The following ARL15 variants were observed in gnomAD, a reference collection of about 807,000 sequenced individuals.
ARL15 encodes the protein ADP-ribosylation factor-like protein 15.
Under a neutral mutation model 25.2 loss-of-function variants are expected in ARL15, and 19 were observed. The observed-to-expected ratio is 0.75, with a 90% CI of 0.53 to 1.10. ARL15 has a LOEUF of 1.10. Among genes scored for constraint, ARL15 ranks in the 50% least tolerant of loss-of-function variants. ARL15 has a pLI of 0.00. For synonymous variants in ARL15, 94 were observed against 86.8 expected, an observed-to-expected ratio of 1.08 and a Z score of -0.46; for missense variants, 220 against 246.0, an observed-to-expected ratio of 0.89 and a Z score of 0.71.
chr5:53,986,894 G>C (rs1748316297), intron 4 of ARL15, among the ~76,000 whole-genome samples: 1 of 152,166 alleles, frequency 6.6e-6, no homozygotes, highest in Non-Finnish European at 1.5e-5. Flanking sequence ...GAGGGGATGG[G>C]ATTAAGGAAT....
intron 4 of ARL15, among the ~76,000 whole-genome samples, chr5:53,918,349 C>T (rs916415940): frequency 2.0e-5 from 3 of 151,962 alleles, no homozygotes; most frequent in African/African-American, 7.3e-5. Flanking sequence ...CCATGCCTGG[C>T]TAATTTTTTT....
At chr5:54,147,938 A>C (rs149832029) in intron 3 of ARL15, among the ~76,000 whole-genome samples, 4 of 152,296 alleles carry the variant, frequency 2.6e-5, no homozygotes, top group Non-Finnish European at 5.9e-5. Context: ...TTACATTCAT[A>C]AGTATTTGGC....
chr5:54,069,976 G>A (rs1751369589), intron 4 of ARL15, among the ~76,000 whole-genome samples: 1 of 151,302 alleles, frequency 6.6e-6, no homozygotes, highest in Non-Finnish European at 1.5e-5. Flanking sequence ...CACCTGGCTG[G>A]AGGGCTTTTA....
At chr5:54,221,995 G>A (rs1042724353) in intron 1 of ARL15, among the ~76,000 whole-genome samples, 1 of 152,248 alleles carries the variant, frequency 6.6e-6, no homozygotes, top group South Asian at 2.1e-4. Flanking sequence ...TACTCTTCCT[G>A]TGCCAAATAA....
chr5:54,302,076 G>A (rs1023993469), intron 1 of ARL15, among the ~76,000 whole-genome samples: 1 of 152,172 alleles, frequency 6.6e-6, no homozygotes, highest in Non-Finnish European at 1.5e-5. Context: ...GCAGACTCCC[G>A]CCTCAAACAC....
At chr5:53,979,018 T>G (rs1335748646) in intron 4 of ARL15, among the ~76,000 whole-genome samples, 1 of 152,186 alleles carries the variant, frequency 6.6e-6, no homozygotes, top group Non-Finnish European at 1.5e-5. Context: ...ATTAAGAGAC[T>G]TTGTGTCTTT....
chr5:53,890,986 T>C (rs1744690225), intron 4 of ARL15, among the ~76,000 whole-genome samples: 1 of 152,230 alleles, frequency 6.6e-6, no homozygotes, highest in East Asian at 1.9e-4. Context: ...TGATGCTCTC[T>C]GATTTCCCTA....
chr5:54,219,411 T>C (rs1051273500), intron 1 of ARL15, among the ~76,000 whole-genome samples: 33 of 152,210 alleles, frequency 2.2e-4, no homozygotes, highest in Non-Finnish European at 3.4e-4. Flanking sequence ...AATGCCTTTC[T>C]TTGGTAGGGA....
Position 53,914,239 on chromosome 5 carries a change from G to C in ARL15, c.463-27526C>G, listed in dbSNP as rs181989728. On this transcript the variant is annotated intron_variant, in intron 4 of 4. Transcript: ENST00000504924. ...TGATCTCCTTCTCTGAGGAAAGCTT[G>C]GTGGTATAGCAGTCTATCCTCCAAA... Among the ~76,000 whole-genome samples the C allele has an allele frequency of 2.9e-3, 438 of 151,912 alleles. 1 individual carries two copies. The highest frequency in any genetic ancestry group is 0.01 in the African/African-American group (425 of 41,428).
At chr5:54,204,000 C>T (rs572043505) in intron 1 of ARL15, among the ~76,000 whole-genome samples, 1 of 152,100 alleles carries the variant, frequency 6.6e-6, no homozygotes, top group East Asian at 1.9e-4. Context: ...CTTTGCCCAC[C>T]CCGCCAAGGT....
intron 1 of ARL15, among the ~76,000 whole-genome samples, chr5:54,306,502 T>G (rs555679358): frequency 6.6e-6 from 1 of 151,732 alleles, no homozygotes; most frequent in South Asian, 2.1e-4. Context: ...GCGATTCTCC[T>G]GCCTCAGCCT....
intron 4 of ARL15, among the ~76,000 whole-genome samples, chr5:54,102,034 A>G (rs908387823): frequency 6.9e-6 from 1 of 144,942 alleles, no homozygotes; most frequent in Admixed American, 6.9e-5. Flanking sequence ...TTTTTTTGAG[A>G]CAGAGTCTCA....
At chr5:54,258,351 C>G (rs1338610815) in intron 1 of ARL15, among the ~76,000 whole-genome samples, 1 of 151,920 alleles carries the variant, frequency 6.6e-6, no homozygotes, top group Non-Finnish European at 1.5e-5. Flanking sequence ...CCCATCCTCC[C>G]GTTACAGATG....
At chr5:54,003,823 T>C (rs990849810) in intron 4 of ARL15, among the ~76,000 whole-genome samples, 1 of 152,156 alleles carries the variant, frequency 6.6e-6, no homozygotes, top group African/African-American at 2.4e-5. Context: ...AATGGGCATA[T>C]TTCATTAGAA....
chr5:54,196,842 T>A (rs960146865), intron 1 of ARL15, among the ~76,000 whole-genome samples: 5 of 152,164 alleles, frequency 3.3e-5, no homozygotes, highest in Admixed American at 2.0e-4. Flanking sequence ...AACATACAGT[T>A]ATGCCAGAAT....
rs981075170 is a variant in ARL15 at position 54,173,206 on chromosome 5, A to AAAAG, written c.49-1282_49-1279dup. 6.6e-5 allele frequency among the ~76,000 whole-genome samples: 10 copies of AAAAG among 151,574 alleles called. No individual in the cohort carries two copies. The South Asian group carries it at 1.5e-3, about 22-fold the overall frequency. On this transcript the variant is annotated intron_variant, in intron 1 of 4. Coordinates refer to ENST00000504924, the MANE Select transcript of ARL15 (RefSeq NM_019087.3). Reference sequence around the variant, plus strand: ...CTCAGAAAAAAAAAAAAAAGAAAAGAAAAGAAAGAAAGAAAGAAAAACAAG... The same window carrying AAAAG: ...CTCAGAAAAAAAAAAAAAAGAAAAGAAAAGAAAGAAAGAAAGAAAGAAAAACAAG...
intron 4 of ARL15, among the ~76,000 whole-genome samples, chr5:54,110,600 G>A (rs1752711871): frequency 6.6e-6 from 1 of 151,812 alleles, no homozygotes; most frequent in Non-Finnish European, 1.5e-5. Context: ...TTTTAGCATT[G>A]GTAAATTCCA....
At chr5:53,968,743 T>C (rs2112174445) in intron 4 of ARL15, among the ~76,000 whole-genome samples, 1 of 151,536 alleles carries the variant, frequency 6.6e-6, no homozygotes, top group Middle Eastern at 3.4e-3. Context: ...ACTATTGACC[T>C]TGTGATCCAC....
At chr5:54,235,719 G>A (rs914105480) in intron 1 of ARL15, among the ~76,000 whole-genome samples, 1 of 152,124 alleles carries the variant, frequency 6.6e-6, no homozygotes, top group African/African-American at 2.4e-5. Flanking sequence ...TGATCTGCCT[G>A]TCTTGGCTTC....
Sources: gnomAD v4.1 joint callset for allele counts (sites outside exome capture counted in the v4.1 genomes callset) on GRCh38, gnomAD v4.1.1 for gene constraint, MANE v1.5 for transcripts, NCBI Gene and HGNC (gene_info 2026-07-23, HGNC 2026-07-21) for gene names.